The following METTL15 variants were observed in gnomAD, a reference collection of about 807,000 sequenced individuals.
METTL15 encodes the protein methyltransferase 15, mitochondrial 12S rRNA N4-cytidine.
A neutral mutation model predicts 38.3 loss-of-function variants in METTL15; 34 were observed. The observed-to-expected ratio is 0.89, with a 90% CI of 0.68 to 1.18. The LOEUF is 1.18. Ranked by LOEUF, METTL15 falls within the 50% of genes most tolerant of loss-of-function variation. The pLI is 0.00. For missense variants in METTL15, 438 were observed against 498.4 expected (o/e 0.88, Z 1.15); for synonymous variants, 162 against 170.9 (o/e 0.95, Z 0.41).
chr11:28,158,326 T>C (rs1460113491), intron 3 of METTL15, among the ~76,000 whole-genome samples: 6 of 152,204 alleles, frequency 3.9e-5, no homozygotes, highest in Non-Finnish European at 8.8e-5. Context: ...ACTTCTGTCA[T>C]CATGCAATGC....
chr11:28,494,345 A>AAAAGTTTC (rs1283891150), intron 6 of METTL15, among the ~76,000 whole-genome samples: 1 of 152,174 alleles, frequency 6.6e-6, no homozygotes, highest in Non-Finnish European at 1.5e-5. Context: ...TGACTGCTAA[A>AAAAGTTTC]AAAGTTTCAA....
intron 3 of METTL15, among the ~76,000 whole-genome samples, chr11:28,136,673 C>G (rs1259785523): frequency 1.3e-5 from 2 of 152,070 alleles, no homozygotes; most frequent in African/African-American, 4.8e-5. Flanking sequence ...TTAAACATCA[C>G]TTTGGCAATC....
intron 5 of METTL15, among the ~76,000 whole-genome samples, chr11:28,367,733 A>AC (rs1255119083): frequency 6.6e-6 from 1 of 151,938 alleles, no homozygotes; most frequent in African/African-American, 2.4e-5. Context: ...ATAGCATGGT[A>AC]CTGGTACCAA....
At chr11:28,235,018 A>G (rs182671397) in intron 4 of METTL15, among the ~76,000 whole-genome samples, 3,345 of 152,050 alleles carry the variant, frequency 0.022, 125 homozygotes, top group African/African-American at 0.076. Flanking sequence ...TCAGCTTTCT[A>G]CATGTGGCTA....
At chr11:28,268,646 G>C (rs1855526939) in intron 4 of METTL15, among the ~76,000 whole-genome samples, 1 of 152,100 alleles carries the variant, frequency 6.6e-6, no homozygotes, top group Admixed American at 6.6e-5. Flanking sequence ...TAGTACAATT[G>C]CTGTGTTTTG....
At chr11:28,510,293 A>G (rs539281851) in intron 6 of METTL15, among the ~76,000 whole-genome samples, 2 of 152,352 alleles carry the variant, frequency 1.3e-5, no homozygotes, top group East Asian at 3.9e-4. Context: ...CATAAATCAG[A>G]AAGTAAATAG....
At chr11:28,182,130 T>C (rs1275351736) in intron 3 of METTL15, among the ~76,000 whole-genome samples, 2 of 152,192 alleles carry the variant, frequency 1.3e-5, no homozygotes, top group Non-Finnish European at 2.9e-5. Context: ...GTAAATTTGT[T>C]GAAGTTCTTT....
At chr11:28,417,501 A>G (rs576551412) in intron 5 of METTL15, among the ~76,000 whole-genome samples, 6 of 152,334 alleles carry the variant, frequency 3.9e-5, no homozygotes, top group African/African-American at 1.4e-4. Context: ...GTTAGATTAG[A>G]ATAATGTCTT....
intron 6 of METTL15, among the ~76,000 whole-genome samples, chr11:28,489,081 CA>C (rs1197226234): frequency 1.3e-5 from 2 of 152,110 alleles, no homozygotes; most frequent in Non-Finnish European, 2.9e-5. Flanking sequence ...GCTCTTCAAG[CA>C]ATCACTACCA....
chr11:28,216,443 C>G lies in METTL15; in HGVS notation c.407+5245C>G, dbSNP rs1388444672. Among the ~76,000 whole-genome samples, 3 of 151,998 alleles carry G rather than the reference C, an allele frequency of 2.0e-5. No homozygotes were observed. The East Asian group carries it at 5.8e-4, about 29-fold the overall frequency. On this transcript the variant is annotated intron_variant, in intron 4 of 6. Transcript: ENST00000407364. ...AGACTTGAAGAAAGTAAAATAGATC[C>G]ATTTCAAAATTTGGATTCAAGAATA...
intron 5 of METTL15, among the ~76,000 whole-genome samples, chr11:28,367,300 TA>T (rs1850195984): frequency 6.6e-6 from 1 of 151,512 alleles, no homozygotes; most frequent in South Asian, 2.1e-4. Flanking sequence ...TATGAGCTTC[TA>T]AAAAAGAAAC....
At chr11:28,378,627 A>G (rs1336716748) in intron 5 of METTL15, among the ~76,000 whole-genome samples, 4 of 152,114 alleles carry the variant, frequency 2.6e-5, no homozygotes, top group East Asian at 3.9e-4. Flanking sequence ...TGCGTCGCTC[A>G]GGCTGGGAGC....
At chr11:28,449,637 G>A (rs1039514241) in intron 6 of METTL15, among the ~76,000 whole-genome samples, 2 of 152,064 alleles carry the variant, frequency 1.3e-5, no homozygotes, top group African/African-American at 4.8e-5. Context: ...TCAAGTCACA[G>A]GCTAGCTAGC....
chr11:28,194,656 T>C (rs1203802170), intron 3 of METTL15, among the ~76,000 whole-genome samples: 1 of 152,104 alleles, frequency 6.6e-6, no homozygotes, highest in Non-Finnish European at 1.5e-5. Context: ...AAGATTATTT[T>C]ATTTTTAAAT....
chr11:28,289,460 T>A (rs1174734554), intron 4 of METTL15, among the ~76,000 whole-genome samples: 1 of 152,164 alleles, frequency 6.6e-6, no homozygotes, highest in Non-Finnish European at 1.5e-5. Flanking sequence ...CTTGAGAGCA[T>A]TGCCCAATTT....
At chr11:28,165,555 T>C (rs1850629714) in intron 3 of METTL15, among the ~76,000 whole-genome samples, 1 of 152,156 alleles carries the variant, frequency 6.6e-6, no homozygotes, top group Admixed American at 6.6e-5. Context: ...TTTTTGAGTT[T>C]GTTAACTCCT....
At chr11:28,225,297 TTCCATTTTGCGTTCC>T (rs1031825579) in intron 4 of METTL15, among the ~76,000 whole-genome samples, 7 of 152,020 alleles carry the variant, frequency 4.6e-5, no homozygotes, top group South Asian at 2.1e-4. Context: ...ATATTTTCAA[TTCCATTTTGCGTTCC>T]TTATGTGGGT....
intron 3 of METTL15, among the ~76,000 whole-genome samples, chr11:28,179,423 A>G (rs983844294): frequency 2.5e-4 from 38 of 151,762 alleles, no homozygotes; most frequent in African/African-American, 8.5e-4. Context: ...TCAAATGAAG[A>G]TATGTAACAT....
chr11:28,454,349 T>C (rs971960094), intron 6 of METTL15, among the ~76,000 whole-genome samples: 3 of 152,238 alleles, frequency 2.0e-5, no homozygotes, highest in African/African-American at 7.2e-5. Flanking sequence ...CTCTGACTTA[T>C]AGAAAACAAT....
Sources: gnomAD v4.1 joint callset for allele counts (sites outside exome capture counted in the v4.1 genomes callset) on GRCh38, gnomAD v4.1.1 for gene constraint, MANE v1.5 for transcripts, NCBI Gene and HGNC (gene_info 2026-07-23, HGNC 2026-07-21) for gene names.